The following ENTREP1 variants were observed in gnomAD, a reference collection of about 807,000 sequenced individuals.
The protein encoded by ENTREP1 is Friedreich ataxia region gene X123.
chr9:69,363,742 AGG>A, the ENTREP1 span, among the ~76,000 whole-genome samples: 1 of 152,164 alleles, frequency 6.6e-6, no homozygotes, highest in African/African-American at 2.4e-5. Flanking sequence ...TCTTTCCGTC[AGG>A]GGTCCCTGTT....
At chr9:69,363,403 G>A in the ENTREP1 span, among the ~76,000 whole-genome samples, 1 of 152,178 alleles carries the variant, frequency 6.6e-6, no homozygotes, top group Non-Finnish European at 1.5e-5. Flanking sequence ...AAATATTAAT[G>A]TAAGGAAAAA....
the ENTREP1 span, chr9:69,385,916 T>G: frequency 1.2e-6 from 2 of 1,612,558 alleles, no homozygotes; most frequent in Non-Finnish European, 1.7e-6. Context: ...GGTCGAAGAG[T>G]GACCCTGTGC....
the ENTREP1 span, among the ~76,000 whole-genome samples, chr9:69,343,545 A>T: frequency 6.6e-6 from 1 of 152,150 alleles, no homozygotes; most frequent in Non-Finnish European, 1.5e-5. Context: ...GGCTCAGGTG[A>T]TCCTCCCACC....
At chr9:69,376,163 AACAT>A in the ENTREP1 span, among the ~76,000 whole-genome samples, 1 of 152,332 alleles carries the variant, frequency 6.6e-6, no homozygotes, top group African/African-American at 2.4e-5. Flanking sequence ...TCCACATATA[AACAT>A]ATGCATACGT....
At chr9:69,353,789 G>A in the ENTREP1 span, among the ~76,000 whole-genome samples, 3 of 152,282 alleles carry the variant, frequency 2.0e-5, no homozygotes, top group East Asian at 5.8e-4. Context: ...TTGTGTTCTA[G>A]AATACTCTTC....
At chr9:69,329,835 T>A in the ENTREP1 span, 2 of 189,216 alleles carry the variant, frequency 1.1e-5, no homozygotes, top group African/African-American at 1.5e-4. Context: ...GGTATGGGCG[T>A]TAATGTTAAC....
chr9:69,346,045 C>T, the ENTREP1 span, among the ~76,000 whole-genome samples: 4 of 151,526 alleles, frequency 2.6e-5, no homozygotes, highest in African/African-American at 4.9e-5. Context: ...GCAGTGGTGG[C>T]GATCTTGGCT....
the ENTREP1 span, among the ~76,000 whole-genome samples, chr9:69,343,084 G>A: frequency 6.6e-6 from 1 of 152,236 alleles, no homozygotes; most frequent in African/African-American, 2.4e-5. Context: ...CCAAAGCTTA[G>A]AAGTAACCTT....
chr9:69,377,336 A>G, the ENTREP1 span: 15 of 1,150,950 alleles, frequency 1.3e-5, no homozygotes, highest in African/African-American at 3.0e-5. Context: ...TGTTTGTTGA[A>G]GTACTTAGTG....
chr9:69,363,788 AG>A, the ENTREP1 span, among the ~76,000 whole-genome samples: 1 of 152,206 alleles, frequency 6.6e-6, no homozygotes, highest in East Asian at 1.9e-4. Context: ...AGGGCAGAGT[AG>A]CCCCACTGAG....
chr9:69,389,113 T>C, the ENTREP1 span, among the ~76,000 whole-genome samples: 958 of 152,268 alleles, frequency 6.3e-3, 7 homozygotes, highest in African/African-American at 0.019. Flanking sequence ...GGAGTTTCCT[T>C]CTGGTAAGAG....
At chr9:69,325,445 C>T in the ENTREP1 span, 1 of 955,282 alleles carries the variant, frequency 1.0e-6, no homozygotes, top group Non-Finnish European at 1.2e-6. Context: ...GCCGCGCTGG[C>T]CCCGGGGCGC....
the ENTREP1 span, among the ~76,000 whole-genome samples, chr9:69,345,581 CATT>C: frequency 6.6e-6 from 1 of 152,082 alleles, no homozygotes; most frequent in Non-Finnish European, 1.5e-5. Context: ...AATGGGAGCT[CATT>C]AGCCTTCTTA....
At chr9:69,336,161 T>TA in the ENTREP1 span, 1 of 944,188 alleles carries the variant, frequency 1.1e-6, no homozygotes, top group Non-Finnish European at 1.6e-6. Context: ...ACTGAGGATT[T>TA]GTTTATTGGA....
At chr9:69,390,100 T>A in the ENTREP1 span, among the ~76,000 whole-genome samples, 1 of 152,260 alleles carries the variant, frequency 6.6e-6, no homozygotes, top group African/African-American at 2.4e-5. Context: ...CAAAACCACT[T>A]GTCCTAACTT....
chr9:69,334,757 G>T, the ENTREP1 span, among the ~76,000 whole-genome samples: 3 of 150,442 alleles, frequency 2.0e-5, no homozygotes, highest in African/African-American at 7.3e-5. Context: ...CAAAATAGTG[G>T]CCCTTTCCTT....
At chr9:69,363,729 T>G in the ENTREP1 span, among the ~76,000 whole-genome samples, 1 of 152,184 alleles carries the variant, frequency 6.6e-6, no homozygotes, top group Admixed American at 6.5e-5. Flanking sequence ...CTCCCTGTGG[T>G]CTTCTTTCCG....
At chr9:69,390,842 T>C in the ENTREP1 span, among the ~76,000 whole-genome samples, 3 of 152,130 alleles carry the variant, frequency 2.0e-5, no homozygotes, top group African/African-American at 2.4e-5. Flanking sequence ...GGTCTTGCGA[T>C]GTTGTCCAGG....
At chr9:69,374,451 G>A in the ENTREP1 span, among the ~76,000 whole-genome samples, 106 of 152,192 alleles carry the variant, frequency 7.0e-4, 1 homozygote, top group African/African-American at 2.5e-3. Flanking sequence ...ATTTAAAATG[G>A]ATAGTCAGTT....
Sources: allele counts gnomAD v4.1 joint callset (sites outside exome capture counted in the v4.1 genomes callset), GRCh38; gene constraint gnomAD v4.1.1; transcripts MANE v1.5; gene names NCBI Gene and HGNC (gene_info 2026-07-23, HGNC 2026-07-21).